Variants in DLGAP2 observed in about 807,000 individuals in gnomAD.
DLGAP2 encodes disks large-associated protein 2.
Under a neutral mutation model 100.3 loss-of-function variants are expected in DLGAP2, and 26 were observed. That is an observed-to-expected ratio of 0.26 (90% CI 0.19 to 0.36). The LOEUF (loss-of-function observed/expected upper bound fraction) is 0.36, where lower values mean the gene tolerates loss of function less well. Among genes scored for constraint, DLGAP2 ranks in the 10% least tolerant of loss-of-function variants. The probability of loss-of-function intolerance (pLI) is 1.00; values close to 1 mark genes in which losing one functional copy is unlikely to be tolerated. For missense variants in DLGAP2, 1,858 were observed against 1,453.2 expected (o/e 1.28, Z -4.53); for synonymous variants, 886 against 630.1 (o/e 1.41, Z -6.08).
chr8:774,696 C>G (rs570218582), intron 1 of DLGAP2, among the ~76,000 whole-genome samples: 104 of 151,718 alleles, frequency 6.9e-4, no homozygotes, highest in African/African-American at 2.2e-3. Flanking sequence ...CTGTTCTGTT[C>G]CATTGATCTA....
chr8:1,130,874 A>G (rs1464881781), intron 2 of DLGAP2, among the ~76,000 whole-genome samples: 2 of 138,188 alleles, frequency 1.4e-5, no homozygotes, highest in South Asian at 4.4e-4. Flanking sequence ...TCTTCATAGC[A>G]TGACCCCTAG....
At chr8:1,197,182 A>G (rs1253661380) in intron 2 of DLGAP2, among the ~76,000 whole-genome samples, 2 of 152,224 alleles carry the variant, frequency 1.3e-5, no homozygotes, top group Non-Finnish European at 2.9e-5. Flanking sequence ...CGTCACAGAC[A>G]CACACGGAAG....
At chr8:1,649,182 C>G (rs1179725883) in intron 8 of DLGAP2, among the ~76,000 whole-genome samples, 1 of 152,146 alleles carries the variant, frequency 6.6e-6, no homozygotes, top group African/African-American at 2.4e-5. Flanking sequence ...TGCTATATAT[C>G]AAAAATATTT....
intron 2 of DLGAP2, among the ~76,000 whole-genome samples, chr8:1,116,097 G>A (rs1805108587): frequency 2.0e-5 from 3 of 152,220 alleles, no homozygotes; most frequent in Non-Finnish European, 4.4e-5. Flanking sequence ...TGTGGGCCTG[G>A]TGGGTGTCTG....
chr8:1,319,718 G>C (rs571884204), intron 3 of DLGAP2, among the ~76,000 whole-genome samples: 25 of 152,160 alleles, frequency 1.6e-4, no homozygotes, highest in Non-Finnish European at 2.9e-4. Flanking sequence ...ATGTCAGAAC[G>C]ATGGGAAGAG....
At chr8:1,389,918 A>C (rs1397294431) in intron 3 of DLGAP2, among the ~76,000 whole-genome samples, 7 of 152,008 alleles carry the variant, frequency 4.6e-5, no homozygotes, top group African/African-American at 1.7e-4. Context: ...TCCCACAGAG[A>C]GGGGCCGCGG....
In DLGAP2 at chr8:840,954, C is replaced by T. The variant is rs142091294; in HGVS notation, c.19-66958C>T. On this transcript the variant is annotated intron_variant, in intron 1 of 14. Coordinates refer to ENST00000637795, the MANE Select transcript of DLGAP2 (RefSeq NM_001346810.2). ...GTGGCTGTGCCCTTTCATCCAGGGA[C>T]GCTGTGTCTAGCTCTCACTCTCTGG... is the stretch of plus-strand genomic sequence containing the variant. Among the ~76,000 whole-genome samples, 46 of 152,330 alleles carry T rather than the reference C, an allele frequency of 3.0e-4. No individual in the cohort carries two copies. In the East Asian group the frequency reaches 5.6e-3, roughly 19 times the overall value.
chr8:917,666 C>T (rs909885838), intron 2 of DLGAP2, among the ~76,000 whole-genome samples: 2 of 152,154 alleles, frequency 1.3e-5, no homozygotes, highest in African/African-American at 4.8e-5. Flanking sequence ...TTGCAAACTC[C>T]ACCTCCCAGG....
intron 2 of DLGAP2, among the ~76,000 whole-genome samples, chr8:1,027,675 G>C (rs1801846508): frequency 6.9e-6 from 1 of 145,770 alleles, no homozygotes; most frequent in Admixed American, 6.8e-5. Context: ...TTCTCCAGCT[G>C]GGGTGCCAGG....
rs1585033163 is a variant in DLGAP2 at position 1,071,345 on chromosome 8, C to G, written c.73+163379C>G. 2.6e-5 allele frequency among the ~76,000 whole-genome samples: 4 copies of G among 152,324 alleles called. No homozygotes were observed. In the South Asian group the frequency reaches 8.3e-4, roughly 32 times the overall value. On this transcript the variant is annotated intron_variant, in intron 2 of 14. Transcript: ENST00000637795. ...AACCACTTCGGCCGCCTCCACGGTGCTTGACTTTCAAGGGTGGCTTCCTGG... is the reference window on the plus strand; with the variant it reads ...AACCACTTCGGCCGCCTCCACGGTGGTTGACTTTCAAGGGTGGCTTCCTGG...
chr8:1,169,634 C>T, intron 2 of DLGAP2, among the ~76,000 whole-genome samples: 1 of 152,088 alleles, frequency 6.6e-6, no homozygotes, highest in Non-Finnish European at 1.5e-5. Context: ...ATTTTATTCT[C>T]TTTGAAGCAA....
intron 2 of DLGAP2, among the ~76,000 whole-genome samples, chr8:1,161,139 G>A (rs950038343): frequency 3.3e-5 from 5 of 152,166 alleles, no homozygotes; most frequent in Non-Finnish European, 5.9e-5. Context: ...ATAGAAAACG[G>A]TCTTACATTT....
At chr8:1,297,463 T>C (rs1156355200) in intron 3 of DLGAP2, among the ~76,000 whole-genome samples, 7 of 103,792 alleles carry the variant, frequency 6.7e-5, no homozygotes, top group African/African-American at 2.8e-4. Context: ...AAAGGTGGCA[T>C]GCGTGAACAG....
intron 3 of DLGAP2, among the ~76,000 whole-genome samples, chr8:1,309,052 C>T (rs1035973992): frequency 1.3e-5 from 2 of 151,868 alleles, no homozygotes; most frequent in South Asian, 2.1e-4. Flanking sequence ...CATTGTGGAG[C>T]CTGAGGAGCA....
At chr8:846,969 G>A (rs1398627491) in intron 1 of DLGAP2, among the ~76,000 whole-genome samples, 1 of 152,040 alleles carries the variant, frequency 6.6e-6, no homozygotes, top group Non-Finnish European at 1.5e-5. Flanking sequence ...TTCTTGTTAG[G>A]GTTTACTACT....
At chr8:1,689,200 C>T (rs1379284724) in intron 12 of DLGAP2, among the ~76,000 whole-genome samples, 1 of 152,186 alleles carries the variant, frequency 6.6e-6, no homozygotes, top group Non-Finnish European at 1.5e-5. Context: ...GTCAGGTGTG[C>T]CCTGGGAGCC....
At chr8:1,460,928 G>C (rs1798452975) in intron 3 of DLGAP2, among the ~76,000 whole-genome samples, 1 of 152,220 alleles carries the variant, frequency 6.6e-6, no homozygotes, top group Admixed American at 6.5e-5. Flanking sequence ...TCTCTCCAGA[G>C]CATAAACACA....
At chr8:1,589,476 G>T (rs772302991) in intron 6 of DLGAP2, among the ~76,000 whole-genome samples, 1 of 152,150 alleles carries the variant, frequency 6.6e-6, no homozygotes, top group Non-Finnish European at 1.5e-5. Context: ...TTGCTGTGTT[G>T]CCCAGGCTGG....
chr8:1,098,871 T>G (rs903734169), intron 2 of DLGAP2, among the ~76,000 whole-genome samples: 1 of 152,072 alleles, frequency 6.6e-6, no homozygotes, highest in Non-Finnish European at 1.5e-5. Context: ...GTAGGGCCCT[T>G]CGTCCTCACT....
Sources: gnomAD v4.1 joint callset for allele counts (sites outside exome capture counted in the v4.1 genomes callset) on GRCh38, gnomAD v4.1.1 for gene constraint, MANE v1.5 for transcripts, NCBI Gene and HGNC (gene_info 2026-07-23, HGNC 2026-07-21) for gene names.